CTNNA2: variants seen among roughly 807,000 people sequenced by gnomAD.
CTNNA2 encodes the protein catenin alpha-2.
CTNNA2 carries 42 observed loss-of-function variants against 101.0 expected under a neutral mutation model. The observed-to-expected ratio is 0.42, with a 90% confidence interval of 0.32 to 0.54. The LOEUF is 0.54. Among genes scored for constraint, CTNNA2 ranks in the 20% least tolerant of loss-of-function variants. The pLI, the probability that CTNNA2 is intolerant of heterozygous loss-of-function variation, is 0.14. For synonymous variants in CTNNA2, 450 were observed against 456.4 expected (o/e 0.99, Z 0.18); for missense variants, 871 against 1,223.1 (o/e 0.71, Z 4.29).
intron 3 of CTNNA2, among the ~76,000 whole-genome samples, chr2:79,789,289 GA>G (rs1675085834): frequency 6.6e-6 from 1 of 152,126 alleles, no homozygotes; most frequent in African/African-American, 2.4e-5. Flanking sequence ...AATAACATTG[GA>G]AAAAGCTGAG....
At chr2:79,913,321 G>T (rs1179668060) in intron 7 of CTNNA2, among the ~76,000 whole-genome samples, 1 of 152,216 alleles carries the variant, frequency 6.6e-6, no homozygotes, top group Non-Finnish European at 1.5e-5. Context: ...AAGGTCAAGG[G>T]CCTTGCTGTG....
chr2:79,419,492 G>A (rs11126724), intron 4 of CTNNA2, among the ~76,000 whole-genome samples: 45,348 of 151,808 alleles, frequency 0.3, 6,910 homozygotes, highest in South Asian at 0.44. Flanking sequence ...TAGGAGGAGA[G>A]GATGAGAAGG....
chr2:79,593,880 GTTTTTTTTTTT>G (rs945227300), intron 1 of CTNNA2, among the ~76,000 whole-genome samples: 5 of 85,440 alleles, frequency 5.9e-5, no homozygotes, highest in African/African-American at 2.7e-4. Flanking sequence ...CTTTCTTTTA[GTTTTTTTTTTT>G]TTTTTTTTTT....
intron 2 of CTNNA2, among the ~76,000 whole-genome samples, chr2:79,199,305 A>G (rs185875419): frequency 2.6e-5 from 4 of 152,312 alleles, no homozygotes; most frequent in Admixed American, 6.5e-5. Flanking sequence ...AGGTAAATGC[A>G]AAGTTCCCTA....
At chr2:79,733,873 T>C (rs912182553) in intron 2 of CTNNA2, among the ~76,000 whole-genome samples, 3 of 151,708 alleles carry the variant, frequency 2.0e-5, no homozygotes, top group Non-Finnish European at 4.4e-5. Flanking sequence ...AATCAAAGAG[T>C]GCAATAAAAA....
intron 7 of CTNNA2, among the ~76,000 whole-genome samples, chr2:80,063,489 G>C (rs1697751656): frequency 6.6e-6 from 1 of 152,180 alleles, no homozygotes; most frequent in Non-Finnish European, 1.5e-5. Flanking sequence ...GAAATCCCTG[G>C]CAGACTGGTA....
rs1169281644 is a variant in CTNNA2, at chr2:80,211,434, T to A, written c.1057-181777T>A. ...GGATCCAGTTTCAGCTTTCTACATG[T>A]GGCTAGCCAGTTTTCCCAGCACCAT... On this transcript the variant is annotated intron_variant, in intron 7 of 18. Coordinates refer to ENST00000402739, the MANE Select transcript of CTNNA2 (RefSeq NM_001282597.3). Among the ~76,000 whole-genome samples the A allele has an allele frequency of 2.1e-4, 32 of 152,208 alleles. 1 individual carries two copies. The highest frequency in any genetic ancestry group is 2.9e-5 in the Non-Finnish European group (2 of 68,038).
Position 79,524,385 on chromosome 2 carries a change from A to G in CTNNA2, c.-6+11178A>G, listed in dbSNP as rs920680946. Among the ~76,000 whole-genome samples the G allele has an allele frequency of 2.6e-5, 4 of 151,968 alleles. No individual in the cohort carries two copies. In the East Asian group the frequency reaches 5.8e-4, roughly 22 times the overall value. On this transcript the variant is annotated intron_variant, in intron 1 of 18. Transcript: ENST00000402739. ...CTAATAGGTTATTGCTGATGTAGAA[A>G]TTATTCTTTTTGATTTTTATATTTG...
At chr2:80,195,124 A>G (rs1034487759) in intron 7 of CTNNA2, among the ~76,000 whole-genome samples, 2 of 152,180 alleles carry the variant, frequency 1.3e-5, no homozygotes, top group African/African-American at 4.8e-5. Flanking sequence ...TCAATTATGT[A>G]AAGGAACAGT....
intron 1 of CTNNA2, among the ~76,000 whole-genome samples, chr2:79,647,756 G>A (rs184131075): frequency 8.5e-5 from 13 of 152,300 alleles, no homozygotes; most frequent in Non-Finnish European, 1.6e-4. Context: ...AAATCTCAGT[G>A]GCATGCAACA....
intron 4 of CTNNA2, among the ~76,000 whole-genome samples, chr2:79,491,229 A>G (rs1305565297): frequency 1.3e-5 from 2 of 152,168 alleles, no homozygotes; most frequent in Non-Finnish European, 2.9e-5. Flanking sequence ...TTCAACTTGC[A>G]TATGACTTTG....
At chr2:79,258,074 T>C (rs1222776700) in intron 2 of CTNNA2, among the ~76,000 whole-genome samples, 1 of 152,194 alleles carries the variant, frequency 6.6e-6, no homozygotes, top group Non-Finnish European at 1.5e-5. Context: ...CCAGTATTAA[T>C]GCATCCTAAC....
chr2:79,326,846 A>T (rs1318319652), intron 3 of CTNNA2, among the ~76,000 whole-genome samples: 2 of 152,182 alleles, frequency 1.3e-5, no homozygotes, highest in Non-Finnish European at 2.9e-5. Flanking sequence ...TGACATCATG[A>T]TCTCAAAGGC....
chr2:80,213,228 A>T (rs1294545886), intron 7 of CTNNA2, among the ~76,000 whole-genome samples: 3 of 151,348 alleles, frequency 2.0e-5, no homozygotes, highest in Non-Finnish European at 4.4e-5. Flanking sequence ...TTCTCCTCTG[A>T]TCTTAGTTAT....
At chr2:80,004,608 A>G (rs1693195894) in intron 7 of CTNNA2, among the ~76,000 whole-genome samples, 1 of 152,314 alleles carries the variant, frequency 6.6e-6, no homozygotes, top group East Asian at 1.9e-4. Context: ...AAGAGGTTGG[A>G]TAATCTGTTC....
intron 2 of CTNNA2, among the ~76,000 whole-genome samples, chr2:79,222,802 G>A (rs1384991446): frequency 1.3e-5 from 2 of 152,060 alleles, no homozygotes; most frequent in African/African-American, 4.8e-5. Context: ...CCTTTGGGAG[G>A]TGATTAGATC....
chr2:79,920,139 C>T (rs1686551759), intron 7 of CTNNA2, among the ~76,000 whole-genome samples: 1 of 152,100 alleles, frequency 6.6e-6, no homozygotes, highest in Non-Finnish European at 1.5e-5. Context: ...ATTGCTTGAA[C>T]CCAGGAGGCA....
At chr2:80,170,063 G>A (rs948985104) in intron 7 of CTNNA2, among the ~76,000 whole-genome samples, 7 of 152,106 alleles carry the variant, frequency 4.6e-5, no homozygotes, top group Non-Finnish European at 8.8e-5. Context: ...TCAAGTAAGG[G>A]CAATTCATTT....
Position 79,874,216 on chromosome 2 carries a change from T to C in CTNNA2, c.726T>C (p.Tyr242=). Residue 242 remains tyrosine, a synonymous_variant, in exon 6 of 19, where the codon TAT becomes TAC. Coordinates refer to ENST00000402739, the MANE Select transcript of CTNNA2 (RefSeq NM_001282597.3). ...DVAATRANRD[Y]VFKQVQEAIA... ...CCGCTACGAGAGCCAACCGAGATTA[T>C]GTGTTCAAACAAGTCCAGGAGGCCA... 1 of 1,614,060 alleles carries C rather than the reference T, an allele frequency of 6.2e-7. No homozygotes were observed.
Sources: allele counts gnomAD v4.1 joint callset (sites outside exome capture counted in the v4.1 genomes callset), GRCh38; gene constraint gnomAD v4.1.1; transcripts MANE v1.5; gene names NCBI Gene and HGNC (gene_info 2026-07-23, HGNC 2026-07-21).